The following CACNA2D3 variants were observed in gnomAD, a reference collection of about 807,000 sequenced individuals.
The protein encoded by CACNA2D3 is calcium voltage-gated channel auxiliary subunit alpha2delta 3, also known as voltage-dependent calcium channel subunit alpha-2/delta-3.
A neutral mutation model predicts 160.6 loss-of-function variants in CACNA2D3; 60 were observed. The observed-to-expected ratio is 0.37, with a 90% confidence interval of 0.30 to 0.46. CACNA2D3 has a LOEUF of 0.46. CACNA2D3 is among the 20% of genes least tolerant of loss of function. The probability of loss-of-function intolerance (pLI) is 1.00; values close to 1 mark genes in which losing one functional copy is unlikely to be tolerated. For synonymous variants in CACNA2D3, 558 were observed against 492.9 expected, an observed-to-expected ratio of 1.13 and a Z score of -1.75; for missense variants, 1,205 against 1,365.0, an observed-to-expected ratio of 0.88 and a Z score of 1.85.
intron 35 of CACNA2D3, among the ~76,000 whole-genome samples, chr3:55,059,768 GCA>G (rs1230763551): frequency 3.3e-5 from 5 of 152,244 alleles, no homozygotes; most frequent in Admixed American, 1.3e-4. Flanking sequence ...GATAGAGGTG[GCA>G]CTCAGTGGGA....
chr3:54,200,119 C>A (rs1196311061), intron 2 of CACNA2D3, among the ~76,000 whole-genome samples: 1 of 152,198 alleles, frequency 6.6e-6, no homozygotes, highest in Non-Finnish European at 1.5e-5. Context: ...AGAGCAGATA[C>A]CATGACCTTG....
intron 35 of CACNA2D3, among the ~76,000 whole-genome samples, chr3:55,050,734 G>A (rs1401434505): frequency 1.5e-5 from 2 of 132,094 alleles, no homozygotes; most frequent in African/African-American, 6.7e-5. Context: ...ATCACTTTCA[G>A]GTACACCAAT....
intron 2 of CACNA2D3, among the ~76,000 whole-genome samples, chr3:54,159,860 A>G (rs550054272): frequency 6.6e-6 from 1 of 152,380 alleles, no homozygotes; most frequent in East Asian, 1.9e-4. Context: ...TGAATAGGAA[A>G]GAAATCACAA....
chr3:54,356,488 C>T (rs376688527), intron 3 of CACNA2D3, among the ~76,000 whole-genome samples: 16 of 152,294 alleles, frequency 1.1e-4, no homozygotes, highest in African/African-American at 3.6e-4. Context: ...AACCTTGACA[C>T]AGTGTGGTGA....
chr3:54,458,493 G>T (rs368906363), intron 4 of CACNA2D3, among the ~76,000 whole-genome samples: 6 of 150,166 alleles, frequency 4.0e-5, no homozygotes, highest in Admixed American at 3.3e-4. Context: ...ATATATCATC[G>T]AATTATTTCC....
At chr3:54,686,695 TGAATTA>T (rs1471205311) in intron 11 of CACNA2D3, among the ~76,000 whole-genome samples, 1 of 152,222 alleles carries the variant, frequency 6.6e-6, no homozygotes, top group African/African-American at 2.4e-5. Flanking sequence ...TGACATCTCA[TGAATTA>T]GTAATTTCAG....
At chr3:54,323,234 C>A (rs979841560) in intron 3 of CACNA2D3, among the ~76,000 whole-genome samples, 1 of 152,120 alleles carries the variant, frequency 6.6e-6, no homozygotes, top group African/African-American at 2.4e-5. Flanking sequence ...TTTAATGATA[C>A]CTTGATTCTC....
At chr3:54,178,764 ATAAG>A (rs1443090268) in intron 2 of CACNA2D3, among the ~76,000 whole-genome samples, 1 of 152,232 alleles carries the variant, frequency 6.6e-6, no homozygotes, top group Admixed American at 6.5e-5. Flanking sequence ...TTTAAAATAA[ATAAG>A]GATGAAATGG....
intron 17 of CACNA2D3, among the ~76,000 whole-genome samples, chr3:54,860,925 A>C (rs1225935264): frequency 6.6e-6 from 1 of 152,208 alleles, no homozygotes; most frequent in Non-Finnish European, 1.5e-5. Context: ...CATCTAGAAA[A>C]GGCCAAAAAC....
intron 31 of CACNA2D3, among the ~76,000 whole-genome samples, chr3:55,004,541 A>G (rs560585460): frequency 2.0e-5 from 3 of 152,194 alleles, no homozygotes; most frequent in African/African-American, 7.2e-5. Context: ...TACCCTTTCC[A>G]ATACCTTCGT....
intron 2 of CACNA2D3, among the ~76,000 whole-genome samples, chr3:54,286,323 G>A (rs1012774321): frequency 6.6e-6 from 1 of 152,224 alleles, no homozygotes. Context: ...GGAAGAAAGG[G>A]TATCAGCAAT....
chr3:54,976,124 G>C (rs1412879130), intron 29 of CACNA2D3, among the ~76,000 whole-genome samples: 1 of 149,782 alleles, frequency 6.7e-6, no homozygotes, highest in Non-Finnish European at 1.5e-5. Context: ...TTTCAAACAA[G>C]CAAAGCCTTC....
chr3:54,407,633 G>C (rs189220106), intron 4 of CACNA2D3, among the ~76,000 whole-genome samples: 79 of 152,256 alleles, frequency 5.2e-4, no homozygotes, highest in African/African-American at 1.8e-3. Flanking sequence ...TTTCATTTGA[G>C]TAGGCATTAT....
chr3:54,659,666 C>G (rs533065354), intron 11 of CACNA2D3, among the ~76,000 whole-genome samples: 1 of 152,134 alleles, frequency 6.6e-6, no homozygotes, highest in Non-Finnish European at 1.5e-5. Flanking sequence ...AAAACTGCCA[C>G]GGGGACAGAG....
At chr3:54,319,001 T>G (rs1703929720) in intron 2 of CACNA2D3, among the ~76,000 whole-genome samples, 1 of 152,164 alleles carries the variant, frequency 6.6e-6, no homozygotes, top group Non-Finnish European at 1.5e-5. Context: ...TTTGTTTTAG[T>G]TTAAGGATCT....
intron 5 of CACNA2D3, among the ~76,000 whole-genome samples, chr3:54,545,122 GAAC>G (rs1210721721): frequency 1.3e-5 from 2 of 152,154 alleles, no homozygotes; most frequent in African/African-American, 2.4e-5. Flanking sequence ...TGATAAAATA[GAAC>G]AACACCATGA....
intron 14 of CACNA2D3, among the ~76,000 whole-genome samples, chr3:54,827,677 G>A (rs976829103): frequency 5.3e-5 from 8 of 152,186 alleles, no homozygotes; most frequent in Non-Finnish European, 8.8e-5. Flanking sequence ...AAGGAGCCGT[G>A]AGCAAGGAGA....
intron 27 of CACNA2D3, among the ~76,000 whole-genome samples, chr3:54,936,638 C>G (rs1301045094): frequency 6.6e-6 from 1 of 152,166 alleles, no homozygotes; most frequent in Non-Finnish European, 1.5e-5. Flanking sequence ...TTACCTACTA[C>G]ATGCTCGTGC....
intron 3 of CACNA2D3, among the ~76,000 whole-genome samples, chr3:54,352,616 G>A (rs1260635911): frequency 6.6e-6 from 1 of 152,192 alleles, no homozygotes; most frequent in Non-Finnish European, 1.5e-5. Flanking sequence ...GTCCCCCAGG[G>A]AGCAGTAGAG....
Sources: gnomAD v4.1 joint callset for allele counts (sites outside exome capture counted in the v4.1 genomes callset) on GRCh38, gnomAD v4.1.1 for gene constraint, MANE v1.5 for transcripts, NCBI Gene and HGNC (gene_info 2026-07-23, HGNC 2026-07-21) for gene names.